The following USP20 variants were observed in gnomAD, a reference collection of about 807,000 sequenced individuals.
The protein encoded by USP20 is ubiquitin carboxyl-terminal hydrolase 20.
In USP20, 80 loss-of-function variants were observed where a neutral mutation model predicts 124.2. The observed-to-expected ratio is 0.64, with a 90% CI of 0.54 to 0.78. USP20 has a LOEUF of 0.78. Among genes scored for constraint, USP20 ranks in the 30% least tolerant of loss-of-function variants. The pLI is 0.00. For missense variants in USP20, 1,043 were observed against 1,244.4 expected (o/e 0.84, Z 2.44); for synonymous variants, 481 against 512.3 (o/e 0.94, Z 0.83).
At position 129,839,097 on chromosome 9, in the gene USP20, C is replaced by T. The variant is rs575153834; in HGVS notation, c.-129+3598C>T. On this transcript the variant is annotated intron_variant, in intron 1 of 25. Coordinates refer to ENST00000372429, the MANE Select transcript of USP20 (RefSeq NM_001110303.4). The surrounding 1 kb of genome is among the most constrained non-coding windows in gnomAD (Gnocchi z 4.5). ...GGCTGGCCGGGGCTGTTTGTGACAT[C>T]GTGGAGCTGAGTGTTCAGAGCATGG... Among the ~76,000 whole-genome samples, 4 of 152,250 alleles carry T rather than the reference C, an allele frequency of 2.6e-5. No homozygotes were observed. Among genetic ancestry groups the T allele is most frequent in the South Asian group, 4.2e-4 (2 of 4,818 alleles).
intron 9 of USP20, among the ~76,000 whole-genome samples, chr9:129,864,469 CAAAAAAA>C (rs575582320): frequency 0.5 from 58,536 of 116,898 alleles, 14,538 homozygotes; most frequent in East Asian, 0.81. Flanking sequence ...GACCCTGTCT[CAAAAAAA>C]AAAAAAAAAA....
chr9:129,845,343 C>T (rs1206879132), intron 1 of USP20, among the ~76,000 whole-genome samples: 2 of 152,120 alleles, frequency 1.3e-5, no homozygotes, highest in African/African-American at 2.4e-5. Context: ...CAGATGCACA[C>T]TCTTCTTATT....
intron 4 of USP20, among the ~76,000 whole-genome samples, chr9:129,857,326 G>A (rs2033265731): frequency 6.6e-6 from 1 of 152,238 alleles, no homozygotes; most frequent in Non-Finnish European, 1.5e-5. Flanking sequence ...GGAGCCTGAT[G>A]CAGAAAATGG....
chr9:129,857,471 AGTG>A (rs2033272588), intron 4 of USP20, among the ~76,000 whole-genome samples: 1 of 152,320 alleles, frequency 6.6e-6, no homozygotes, highest in African/African-American at 2.4e-5. Flanking sequence ...GGAGGCTCAC[AGTG>A]GAAGCACTGA....
At chr9:129,861,153 G>C (rs2033527138) in intron 7 of USP20, 120 bp downstream of exon 7, 1 of 957,784 alleles carries the variant, frequency 1.0e-6, no homozygotes, top group Non-Finnish European at 1.6e-6. Context: ...GGAAGGATGG[G>C]GTGACGGATA....
intron 1 of USP20, among the ~76,000 whole-genome samples, chr9:129,838,496 A>AT (rs771230671): frequency 2.6e-5 from 4 of 152,158 alleles, no homozygotes; most frequent in Non-Finnish European, 4.4e-5. Context: ...GAAAAGGGTG[A>AT]TTTTATCATC....
Position 129,873,080 on chromosome 9 carries a change from C to CT in USP20, c.1661-383dup, listed in dbSNP as rs59712662. On this transcript the variant is annotated intron_variant, in intron 15 of 25. Coordinates refer to ENST00000372429, the MANE Select transcript of USP20 (RefSeq NM_001110303.4). ...TTTATTTCTTTTTCTTTTTCTTCTT[C>CT]TTTTTTTTTTTTTTTTTTTGAGATG... Among the ~76,000 whole-genome samples, 469 of 78,340 alleles carry CT rather than the reference C, an allele frequency of 6.0e-3. 10 individuals carry two copies. The highest frequency in any genetic ancestry group is 0.014 in the Middle Eastern group (1 of 72). The allele number at this position is 78,340 out of a possible 152,430, so 51.4% of individuals were successfully genotyped here.
At chr9:129,836,190 G>A (rs2031820548) in intron 1 of USP20, among the ~76,000 whole-genome samples, 1 of 152,168 alleles carries the variant, frequency 6.6e-6, no homozygotes, top group African/African-American at 2.4e-5. Flanking sequence ...ATACCTAAAT[G>A]CATAAATAAT....
At chr9:129,862,844 T>G (rs557569831) in intron 8 of USP20, among the ~76,000 whole-genome samples, 2 of 151,962 alleles carry the variant, frequency 1.3e-5, no homozygotes, top group East Asian at 3.9e-4. Flanking sequence ...AGGCAGAGGT[T>G]GCAATGAACC....
intron 19 of USP20, 61 bp downstream of exon 19, chr9:129,875,016 G>T: frequency 6.3e-7 from 1 of 1,587,040 alleles, no homozygotes; most frequent in South Asian, 1.1e-5. Context: ...GGGACCCATG[G>T]GCCTTCTGGG....
At chr9:129,844,589 A>C (rs1194348546) in intron 1 of USP20, among the ~76,000 whole-genome samples, 1 of 140,726 alleles carries the variant, frequency 7.1e-6, no homozygotes, top group Non-Finnish European at 1.5e-5. Context: ...GCACCACTGC[A>C]CTCCAGCCTG....
chr9:129,847,884 G>A (rs1362512494), intron 1 of USP20, among the ~76,000 whole-genome samples: 1 of 146,762 alleles, frequency 6.8e-6, no homozygotes, highest in African/African-American at 2.5e-5. Flanking sequence ...TGGTATATAT[G>A]TTTTTGTATC....
chr9:129,835,956 C>G (rs1267688852), intron 1 of USP20: 1 of 152,260 alleles, frequency 6.6e-6, no homozygotes, highest in Non-Finnish European at 1.5e-5. Context: ...TAATGGCCCC[C>G]AGCTTCTCCG....
intron 4 of USP20, 114 bp from the exon 5 acceptor site, chr9:129,857,936 G>A (rs113270496): frequency 1.9e-5 from 17 of 890,000 alleles, no homozygotes; most frequent in African/African-American, 8.1e-5. Context: ...TCAGTCCCTT[G>A]TGGCCCCTAT....
intron 8 of USP20, among the ~76,000 whole-genome samples, chr9:129,862,564 G>T (rs2062803): frequency 6.8e-6 from 1 of 146,054 alleles, no homozygotes; most frequent in Non-Finnish European, 1.5e-5. Context: ...AAAAAAAAAA[G>T]AAAAATTGAC....
Position 129,879,530 on chromosome 9 carries a change from G to A in USP20, c.2513-43G>A, listed in dbSNP as rs763954779. ...GGCTCTGCTGCTGTGGAGGGTGGAG[G>A]GCATGGCAGGGGCTGAACCCGAGCC... On this transcript the variant is annotated intron_variant, in intron 23 of 25. Coordinates refer to ENST00000372429, the MANE Select transcript of USP20 (RefSeq NM_001110303.4). The surrounding 1 kb of genome is among the most constrained non-coding windows in gnomAD (Gnocchi z 4.2). 2 of 1,605,556 alleles carry A rather than the reference G, an allele frequency of 1.2e-6. No individual in the cohort carries two copies. The highest frequency in any genetic ancestry group is 1.1e-5 in the South Asian group (1 of 90,846).
chr9:129,865,819 T>C (rs1486911602), intron 10 of USP20, among the ~76,000 whole-genome samples: 1 of 152,118 alleles, frequency 6.6e-6, no homozygotes, highest in Non-Finnish European at 1.5e-5. Context: ...CATGAGCCAC[T>C]GCACCCGGCG....
Position 129,879,583 on chromosome 9 carries a change from GC to G in USP20, c.2526del (p.Ile843LeufsTer17), listed in dbSNP as rs2034554798. 1 of 1,613,516 alleles carries G rather than the reference GC, an allele frequency of 6.2e-7. No homozygotes were observed. The highest frequency in any genetic ancestry group is 1.1e-5 in the South Asian group (1 of 91,088). On this transcript the variant is annotated frameshift_variant, in exon 24 of 26. Coordinates refer to ENST00000372429, the MANE Select transcript of USP20 (RefSeq NM_001110303.4). LOFTEE classifies it high-confidence loss of function. The surrounding 1 kb of genome is among the most constrained non-coding windows in gnomAD (Gnocchi z 4.2). ...CTGTGTCTGTTGCAGAGCCCCCCGGGCCCATTGACAACAGCAGGATTGCACA... is the reference window on the plus strand; with the variant it reads ...CTGTGTCTGTTGCAGAGCCCCCCGGGCCATTGACAACAGCAGGATTGCACA... ...VKGKDNEPPG[P>X]IDNSRIAQVK...
chr9:129,861,459 A>G (rs151002316), intron 7 of USP20, 84 bp from the exon 8 acceptor site: 10 of 1,306,882 alleles, frequency 7.7e-6, no homozygotes, highest in Middle Eastern at 1.8e-4. Flanking sequence ...TGAGAGCCAC[A>G]CCTTTGTGCC....
Sources: allele counts gnomAD v4.1 joint callset (sites outside exome capture counted in the v4.1 genomes callset), GRCh38; gene constraint gnomAD v4.1.1; non-coding constraint Gnocchi (gnomAD v3.1); transcripts MANE v1.5; gene names NCBI Gene and HGNC (gene_info 2026-07-23, HGNC 2026-07-21).